Variants in GSC observed in about 807,000 individuals in gnomAD.
GSC encodes the protein homeobox protein goosecoid.
A neutral mutation model predicts 24.5 loss-of-function variants in GSC; 13 were observed. That is an observed-to-expected ratio of 0.53 (90% CI 0.35 to 0.84). The LOEUF (loss-of-function observed/expected upper bound fraction) is 0.84. Among genes scored for constraint, GSC ranks in the 40% least tolerant of loss-of-function variants. The pLI, the probability that GSC is intolerant of heterozygous loss-of-function variation, is 0.01. For missense variants in GSC, 382 were observed against 384.2 expected, an observed-to-expected ratio of 0.99 and a Z score of 0.05; for synonymous variants, 199 against 182.1, an observed-to-expected ratio of 1.09 and a Z score of -0.75.
At position 94,769,222 on chromosome 14, in the gene GSC, G is replaced by A. The variant is rs1262720932; in HGVS notation, c.356-5C>T. ...CCGAACCGGGGCCCTCGTAGCCTGC[G>A]ACAGAGTGGGGCGCACGGTCAGCCG... On this transcript the variant is annotated splice_region_variant and splice_polypyrimidine_tract_variant and intron_variant, in intron 1 of 2. Transcript: ENST00000238558. 6.4e-7 allele frequency: 1 copy of A among 1,551,052 alleles called. No individual in the cohort carries two copies. Among genetic ancestry groups the A allele is most frequent in the African/African-American group, 1.4e-5 (1 of 73,204 alleles).
chr14:94,769,006 C>T lies in GSC; in HGVS notation c.567G>A (p.Thr189=), dbSNP rs765173607. The change falls in exon 2 of 3, where the codon ACG becomes ACA. Residue 189 remains threonine, a synonymous_variant. Transcript: ENST00000238558. ...FQETKYPDVG[T]REQLARKVHL... is the part of the protein sequence containing the mutation. ...GCACTTTCCGGGCCAGCTGCTCGCG[C>T]GTGCCCACGTCCGGGTACTTGGTCT... is the stretch of plus-strand genomic sequence containing the variant. 2.5e-6 allele frequency: 4 copies of T among 1,596,094 alleles called. No individual in the cohort carries two copies. The highest frequency in any genetic ancestry group is 3.4e-6 in the Non-Finnish European group (4 of 1,172,180).
intron 2 of GSC, 96 bp downstream of exon 2, chr14:94,768,862 G>A (rs759411614): frequency 1.2e-4 from 173 of 1,498,018 alleles, no homozygotes; most frequent in Non-Finnish European, 1.4e-4. Flanking sequence ...TGTTTTTAAA[G>A]TGCGGGGAGA....
chr14:94,769,637 A>G, intron 1 of GSC, 24 bp downstream of exon 1: 1 of 1,405,054 alleles, frequency 7.1e-7, no homozygotes, highest in East Asian at 2.8e-5. Context: ...TGGGCGGCAG[A>G]GGCCGGAGCG....
rs1422303251 is a variant in GSC at position 94,769,800 on chromosome 14, C to T, written c.216G>A (p.Ala72=). The T allele has an allele frequency of 1.4e-6, 2 of 1,418,680 alleles. No homozygotes were observed. The highest frequency in any genetic ancestry group is 9.1e-7 in the Non-Finnish European group (1 of 1,097,304). 87.9% of individuals were successfully genotyped at this position (1,418,680 alleles called of 1,614,324 possible). Residue 72 remains alanine (A), a synonymous_variant, in exon 1 of 3, where the codon GCG becomes GCA. Transcript: ENST00000238558. ...TGTAGCCGAGGCGGGAGCCGCTGAC[C>T]GCGGCCGGGAGGCCCGCGCCGCCGG... ...VAPGGAGLPA[A]VSGSRLGYNN...
In GSC at chr14:94,768,666, G is replaced by A. The variant is rs771441119; in HGVS notation, c.616-17C>T. On this transcript the variant is annotated splice_polypyrimidine_tract_variant and intron_variant, in intron 2 of 2. Coordinates refer to ENST00000238558, the MANE Select transcript of GSC (RefSeq NM_173849.3). ...AAACCAGACCTGTTGCGCAACGGAG[G>A]ACAAAACAGTTCAGATCAAAGGCGC... 4 of 1,612,560 alleles carry A rather than the reference G, an allele frequency of 2.5e-6. No individual in the cohort carries two copies. In the South Asian group the frequency reaches 3.3e-5, roughly 13 times the overall value.
intron 1 of GSC, 124 bp downstream of exon 1, chr14:94,769,537 G>A (rs1885240147): frequency 1.5e-6 from 2 of 1,337,210 alleles, no homozygotes; most frequent in East Asian, 5.4e-5. Flanking sequence ...TCCTGCGCCC[G>A]ATCGGCAAAA....
At position 94,768,399 on chromosome 14, in the gene GSC, C is replaced by A; in HGVS notation, c.*92G>T. The A allele has an allele frequency of 6.7e-7, 1 of 1,483,306 alleles. No individual in the cohort carries two copies. Among genetic ancestry groups the A allele is most frequent in the African/African-American group, 1.4e-5 (1 of 72,490 alleles). The allele number at this position is 1,483,306 out of a possible 1,614,324, so 91.9% of individuals were successfully genotyped here. The stretch of plus-strand genomic sequence containing the variant: ...TCGTTCCTCTTTCTCGACCCCCTCC[C>A]GCAAGGCAGCGCGTGTGCAAGAAAG... On this transcript the variant is annotated 3_prime_UTR_variant, in exon 3 of 3. Transcript: ENST00000238558.
At position 94,769,972 on chromosome 14, in the gene GSC, C is replaced by G; in HGVS notation, c.44G>C (p.Arg15Pro). 1 of 1,557,742 alleles carries G rather than the reference C, an allele frequency of 6.4e-7. No homozygotes were observed. The highest frequency in any genetic ancestry group is 8.6e-7 in the Non-Finnish European group (1 of 1,160,378). ...MFSIDNILAA[R>P]PRCKDSVLPV... Reference sequence around the variant, plus strand: ...CAACACCGAGTCCTTGCAGCGCGGCCGGGCGGCTAGGATGTTGTCGATGCT... The same window carrying G: ...CAACACCGAGTCCTTGCAGCGCGGCGGGGCGGCTAGGATGTTGTCGATGCT... Residue 15 changes from arginine to proline, a missense_variant, in exon 1 of 3, where the codon CGG (arginine) becomes CCG (proline). Physicochemically the swap from Arg to Pro is moderately radical, Grantham distance 103. Coordinates refer to ENST00000238558, the MANE Select transcript of GSC (RefSeq NM_173849.3).
rs550060776 is a variant in GSC, at chr14:94,768,909, C to G, written c.615+49G>C. The G allele has an allele frequency of 1.6e-4, 241 of 1,552,142 alleles. 2 individuals carry two copies. In the South Asian group the frequency reaches 2.5e-3, roughly 16 times the overall value. ...CTGGGCAAACCCGACTGGGGCCCCACCTCGCGGGGAAGGACCGCTAGGCGC... is the reference window on the plus strand; with the variant it reads ...CTGGGCAAACCCGACTGGGGCCCCAGCTCGCGGGGAAGGACCGCTAGGCGC... On this transcript the variant is annotated intron_variant, in intron 2 of 2. Transcript: ENST00000238558.
rs1444585049 is a variant in GSC at position 94,769,936 on chromosome 14, T to C, written c.80A>G (p.His27Arg). The C allele has an allele frequency of 1.9e-6, 3 of 1,543,350 alleles. No individual in the cohort carries two copies. Among genetic ancestry groups the C allele is most frequent in the Non-Finnish European group, 8.7e-7 (1 of 1,152,820 alleles). Residue 27 changes from histidine to arginine, a missense_variant, in exon 1 of 3, where the codon CAC becomes CGC. Transcript: ENST00000238558. Reference protein sequence around the residue: ...RCKDSVLPVAHSAAAPVVFPA... With the variant: ...RCKDSVLPVARSAAAPVVFPA... ...GAAGACGACGGGAGCCGCCGCGCTG[T>C]GCGCCACCGGCAACACCGAGTCCTT...
chr14:94,768,531 C>T lies in GSC; in HGVS notation c.734G>A (p.Arg245Lys). 6.2e-7 allele frequency: 1 copy of T among 1,614,226 alleles called. No homozygotes were observed. The highest frequency in any genetic ancestry group is 8.5e-7 in the Non-Finnish European group (1 of 1,180,044). ...TSSSKASPEK[R>K]EEEGKSDLDS... ...CAAATCGCTTTTACCTTCCTCTTCC[C>T]TCTTCTCCGGTGACGCCTTCGACGA... Residue 245 changes from arginine to lysine, a missense_variant, in exon 3 of 3, where the codon AGG (arginine) becomes AAG (lysine). By Grantham distance (26) the Arg-to-Lys change is conservative (BLOSUM62 2). Coordinates refer to ENST00000238558, the MANE Select transcript of GSC (RefSeq NM_173849.3).
rs1885248327 is a variant in GSC, at chr14:94,769,835, G to C, written c.181C>G (p.Pro61Ala). 2.1e-6 allele frequency: 3 copies of C among 1,431,916 alleles called. No individual in the cohort carries two copies. Among genetic ancestry groups the C allele is most frequent in the Non-Finnish European group, 2.7e-6 (3 of 1,105,042 alleles). The allele number at this position is 1,431,916 out of a possible 1,614,324, so 88.7% of individuals were successfully genotyped here. Residue 61 changes from proline (P) to alanine (A), a missense_variant, in exon 1 of 3, where the codon CCC (proline) becomes GCC (alanine). Transcript: ENST00000238558. Reference protein sequence around the residue: ...SSDYGAFYPRPVAPGGAGLPA... With the variant: ...SSDYGAFYPRAVAPGGAGLPA... ...AGGCCCGCGCCGCCGGGGGCCACGG[G>C]GCGCGGGTAGAAGGCGCCATAGTCC...
intron 1 of GSC, 112 bp from the exon 2 acceptor site, chr14:94,769,329 A>G: frequency 7.2e-7 from 1 of 1,390,638 alleles, no homozygotes; most frequent in Non-Finnish European, 9.7e-7. Context: ...GGGGATGCTG[A>G]GAATTGGGGG....
chr14:94,769,796 T>A lies in GSC; in HGVS notation c.220A>T (p.Ser74Cys). The change falls in exon 1 of 3, where the codon AGC becomes TGC. Residue 74 changes from serine (S) to cysteine (C), a missense_variant. By Grantham distance (112) the Ser-to-Cys change is moderately radical. Coordinates refer to ENST00000238558, the MANE Select transcript of GSC (RefSeq NM_173849.3). Reference sequence around the variant, plus strand: ...TTGTTGTAGCCGAGGCGGGAGCCGCTGACCGCGGCCGGGAGGCCCGCGCCG... The same window carrying A: ...TTGTTGTAGCCGAGGCGGGAGCCGCAGACCGCGGCCGGGAGGCCCGCGCCG... Reference protein sequence around the residue: ...PGGAGLPAAVSGSRLGYNNYF... With the variant: ...PGGAGLPAAVCGSRLGYNNYF... 7.0e-7 allele frequency: 1 copy of A among 1,420,778 alleles called. No individual in the cohort carries two copies. The highest frequency in any genetic ancestry group is 9.1e-7 in the Non-Finnish European group (1 of 1,098,088). The allele number at this position is 1,420,778 out of a possible 1,614,324, so 88.0% of individuals were successfully genotyped here.
Position 94,769,898 on chromosome 14 carries a change from C to T in GSC, c.118G>A (p.Gly40Arg), listed in dbSNP as rs771101600. The T allele has an allele frequency of 2.6e-6, 4 of 1,517,224 alleles. No individual in the cohort carries two copies. The African/African-American group carries it at 4.3e-5, about 16-fold the overall frequency. The allele number at this position is 1,517,224 out of a possible 1,614,324, so 94.0% of individuals were successfully genotyped here. ...CCGCTGGCGCCGTAGAGCGAGTCCC[C>T]GTGCAGGGCCGGGAAGACGACGGGA... ...AAPVVFPALH[G>R]DSLYGASGGA... is the part of the protein sequence containing the mutation. Residue 40 changes from glycine (G) to arginine (R), a missense_variant, in exon 1 of 3, where the codon GGG becomes AGG. By Grantham distance (125) the Gly-to-Arg change is moderately radical. Coordinates refer to ENST00000238558, the MANE Select transcript of GSC (RefSeq NM_173849.3).
At position 94,769,866 on chromosome 14, in the gene GSC, G is replaced by C. The variant is rs1885249229; in HGVS notation, c.150C>G (p.Ala50=). ...GDSLYGASGG[A]SSDYGAFYPR... is the part of the protein sequence containing the mutation. ...GGTAGAAGGCGCCATAGTCCGAGGA[G>C]GCGCCGCCGCTGGCGCCGTAGAGCG... Residue 50 remains alanine, a synonymous_variant, in exon 1 of 3, where the codon GCC becomes GCG. Coordinates refer to ENST00000238558, the MANE Select transcript of GSC (RefSeq NM_173849.3). The C allele has an allele frequency of 2.0e-6, 3 of 1,496,302 alleles. No individual in the cohort carries two copies. Among genetic ancestry groups the C allele is most frequent in the Non-Finnish European group, 2.7e-6 (3 of 1,131,132 alleles). The allele number at this position is 1,496,302 out of a possible 1,614,324, so 92.7% of individuals were successfully genotyped here.
At chr14:94,769,359 C>G (rs1483972259) in intron 1 of GSC, 142 bp from the exon 2 acceptor site, 3 of 1,156,022 alleles carry the variant, frequency 2.6e-6, no homozygotes, top group East Asian at 2.6e-5. Context: ...ATCAGGGGTG[C>G]AGGGAAAAGG....
At chr14:94,769,284 C>T (rs1885235477) in intron 1 of GSC, 67 bp from the exon 2 acceptor site, 5 of 1,520,556 alleles carry the variant, frequency 3.3e-6, no homozygotes, top group African/African-American at 1.4e-5. Context: ...CGCCCGCCAG[C>T]CCCCGACCCT....
Position 94,769,704 on chromosome 14 carries a change from C to A in GSC, c.312G>T (p.Pro104=). Residue 104 remains proline (P), a synonymous_variant, in exon 1 of 3, where the codon CCG becomes CCT. Transcript: ENST00000238558. ...PVGPACCGAV[P]PLGAQQCSCV... ...AGGAGCACTGCTGGGCGCCCAGCGGCGGCACGGCCCCGCAGCAGGCCGGGC... is the reference window on the plus strand; with the variant it reads ...AGGAGCACTGCTGGGCGCCCAGCGGAGGCACGGCCCCGCAGCAGGCCGGGC... 6.9e-7 allele frequency: 1 copy of A among 1,444,958 alleles called. No individual in the cohort carries two copies. The highest frequency in any genetic ancestry group is 9.0e-7 in the Non-Finnish European group (1 of 1,107,836). 89.5% of individuals were successfully genotyped at this position (1,444,958 alleles called of 1,614,324 possible).
Sources: gnomAD v4.1 joint callset for allele counts on GRCh38, gnomAD v4.1.1 for gene constraint, MANE v1.5 for transcripts, NCBI Gene and HGNC (gene_info 2026-07-23, HGNC 2026-07-21) for gene names.